CLCN3: variants seen among roughly 807,000 people sequenced by gnomAD.
CLCN3 encodes H(+)/Cl(-) exchange transporter 3.
A neutral mutation model predicts 83.4 loss-of-function variants in CLCN3; 16 were observed. That is an observed-to-expected ratio of 0.19 (90% confidence interval 0.13 to 0.29). CLCN3 has a LOEUF of 0.29. Among genes scored for constraint, CLCN3 ranks in the 10% least tolerant of loss-of-function variants. The pLI is 1.00. For synonymous variants in CLCN3, 322 were observed against 346.2 expected, an observed-to-expected ratio of 0.93 and a Z score of 0.78; for missense variants, 544 against 1,006.0, an observed-to-expected ratio of 0.54 and a Z score of 6.21.
At chr4:169,636,632 G>A (rs72694743) in intron 2 of CLCN3, among the ~76,000 whole-genome samples, 14 of 151,702 alleles carry the variant, frequency 9.2e-5, no homozygotes, top group African/African-American at 2.4e-4. Context: ...CTATATTGTC[G>A]TGTATAGCAA....
chr4:169,683,168 A>C (rs1204566018), intron 3 of CLCN3, among the ~76,000 whole-genome samples: 2 of 152,188 alleles, frequency 1.3e-5, no homozygotes, highest in Admixed American at 6.5e-5. Flanking sequence ...CCATGACACT[A>C]TGTTCATAAA....
At chr4:169,672,908 G>A (rs1465021886) in intron 2 of CLCN3, among the ~76,000 whole-genome samples, 1 of 150,682 alleles carries the variant, frequency 6.6e-6, no homozygotes, top group Non-Finnish European at 1.5e-5. Flanking sequence ...TGTGATCCAT[G>A]TGCCTTAGCC....
chr4:169,625,737 T>C (rs1319831942), intron 1 of CLCN3, among the ~76,000 whole-genome samples: 1 of 152,256 alleles, frequency 6.6e-6, no homozygotes, highest in East Asian at 1.9e-4. Context: ...CTATATCTTA[T>C]TAATTACCAG....
intron 1 of CLCN3, 98 bp downstream of exon 1, chr4:169,621,161 A>G (rs1773102989): frequency 2.7e-6 from 1 of 367,118 alleles, no homozygotes; most frequent in Non-Finnish European, 4.8e-6. Context: ...TTCTCTTACA[A>G]TGTACCTACA....
intron 3 of CLCN3, among the ~76,000 whole-genome samples, chr4:169,683,230 G>A (rs1433798902): frequency 1.3e-5 from 2 of 152,210 alleles, no homozygotes; most frequent in Non-Finnish European, 2.9e-5. Context: ...GGTCATAGTG[G>A]CTCATGCCTG....
chr4:169,678,835 A>G (rs1383342652), intron 2 of CLCN3, among the ~76,000 whole-genome samples: 1 of 152,226 alleles, frequency 6.6e-6, no homozygotes, highest in East Asian at 1.9e-4. Flanking sequence ...CAGACACAGT[A>G]ACAATCTGAT....
intron 2 of CLCN3, among the ~76,000 whole-genome samples, chr4:169,643,319 C>T (rs1730476527): frequency 6.6e-6 from 1 of 152,148 alleles, no homozygotes; most frequent in Non-Finnish European, 1.5e-5. Context: ...CAACCTCTGC[C>T]TCCTAGGTTC....
Position 169,633,488 on chromosome 4 carries a change from T to C in CLCN3, c.-16-2425T>C, listed in dbSNP as rs1332095619. 2.0e-5 allele frequency among the ~76,000 whole-genome samples: 3 copies of C among 152,276 alleles called. No individual in the cohort carries two copies. In the East Asian group the frequency reaches 5.8e-4, roughly 29 times the overall value. On this transcript the variant is annotated intron_variant, in intron 1 of 12. Coordinates refer to ENST00000513761, the MANE Select transcript of CLCN3 (RefSeq NM_001829.4). ...CTGTGTTAGAGTCTAAATAGCCTTT[T>C]GTGCCCAAGCCTGGGAATTGGGTTT...
intron 2 of CLCN3, among the ~76,000 whole-genome samples, chr4:169,651,651 A>G (rs1730734624): frequency 6.6e-6 from 1 of 152,200 alleles, no homozygotes; most frequent in Non-Finnish European, 1.5e-5. Flanking sequence ...TCAGGGAATC[A>G]TGACAAGAAG....
chr4:169,703,409 C>T (rs1732871398), intron 9 of CLCN3, among the ~76,000 whole-genome samples: 1 of 152,210 alleles, frequency 6.6e-6, no homozygotes, highest in Admixed American at 6.5e-5. Flanking sequence ...TAGCATCTAC[C>T]ATTTCCGTCA....
intron 12 of CLCN3, among the ~76,000 whole-genome samples, chr4:169,717,376 A>G (rs532112289): frequency 1.3e-5 from 2 of 152,252 alleles, no homozygotes; most frequent in Non-Finnish European, 2.9e-5. Flanking sequence ...GATCCAGATG[A>G]TAACTGCTGT....
chr4:169,687,703 TTGTA>T lies in CLCN3; in HGVS notation c.367_370del (p.Tyr123MetfsTer7). On this transcript the variant is annotated frameshift_variant, in exon 4 of 13. Coordinates refer to ENST00000513761, the MANE Select transcript of CLCN3 (RefSeq NM_001829.4). LOFTEE classifies it high-confidence loss of function. ...ATCAGCATGGGAAATGACAAAAAGTTTGTATGATGCGTGGTCAGGATGGCTAGTA... is the reference window on the plus strand; with the variant it reads ...ATCAGCATGGGAAATGACAAAAAGTTTGATGCGTGGTCAGGATGGCTAGTA... 1.2e-6 allele frequency: 2 copies of T among 1,610,558 alleles called. No individual in the cohort carries two copies. The highest frequency in any genetic ancestry group is 1.7e-6 in the Non-Finnish European group (2 of 1,178,278).
intron 2 of CLCN3, among the ~76,000 whole-genome samples, chr4:169,673,993 C>T (rs1378005093): frequency 1.3e-5 from 2 of 152,164 alleles, no homozygotes; most frequent in African/African-American, 4.8e-5. Flanking sequence ...AGCTACCGTA[C>T]ACTTCTACAC....
chr4:169,685,307 G>A (rs1277602395), intron 3 of CLCN3, among the ~76,000 whole-genome samples: 8 of 151,878 alleles, frequency 5.3e-5, no homozygotes, highest in African/African-American at 1.2e-4. Flanking sequence ...GTATTTCCAC[G>A]GTTCCAAAGT....
chr4:169,709,210 ATACTT>A (rs1181564282), intron 11 of CLCN3, among the ~76,000 whole-genome samples: 1 of 150,510 alleles, frequency 6.6e-6, no homozygotes, highest in Non-Finnish European at 1.5e-5. Flanking sequence ...ATAATGATAA[ATACTT>A]TATTGAAGGA....
intron 12 of CLCN3, among the ~76,000 whole-genome samples, chr4:169,714,089 T>C (rs1255833432): frequency 6.6e-6 from 1 of 152,182 alleles, no homozygotes; most frequent in Non-Finnish European, 1.5e-5. Context: ...GGGATCTGTT[T>C]CTCCACACTT....
In CLCN3 at chr4:169,635,989, A is replaced by C; in HGVS notation, c.61A>C (p.Ser21Arg). ...YYRNSYNSITSASSDEELLDG... is the reference protein window; with the variant it reads ...YYRNSYNSITRASSDEELLDG... ...TAGAAACAGCTACAACAGTATAACA[A>C]GTGCAAGTAGTGATGAGGAACTTTT... is the stretch of plus-strand genomic sequence containing the variant. Residue 21 changes from serine to arginine, a missense_variant, in exon 2 of 13, where the codon AGT becomes CGT. Coordinates refer to ENST00000513761, the MANE Select transcript of CLCN3 (RefSeq NM_001829.4). 1 of 1,613,418 alleles carries C rather than the reference A, an allele frequency of 6.2e-7. No homozygotes were observed. The highest frequency in any genetic ancestry group is 1.3e-5 in the African/African-American group (1 of 75,018).
Position 169,620,962 on chromosome 4 carries a change from TG to T in CLCN3, c.-116del. The T allele has an allele frequency of 2.5e-6, 1 of 398,454 alleles. No homozygotes were observed. The highest frequency in any genetic ancestry group is 4.4e-6 in the Non-Finnish European group (1 of 226,050). The allele number at this position is 398,454 out of a possible 1,614,324, so 24.7% of individuals were successfully genotyped here. A position where few individuals can be genotyped will look rare whatever the true frequency, so the allele number is the denominator to read the frequency against. On this transcript the variant is annotated 5_prime_UTR_variant, in exon 1 of 13. Coordinates refer to ENST00000513761, the MANE Select transcript of CLCN3 (RefSeq NM_001829.4). ...TTTCGCTGTGTCAGGCTTTCTTCGG[TG>T]GAGCTCCGAGGGTAGCTAGGTTCTA...
At chr4:169,709,677 C>CA (rs80258467) in intron 11 of CLCN3, among the ~76,000 whole-genome samples, 15,203 of 129,136 alleles carry the variant, frequency 0.12, 811 homozygotes, top group African/African-American at 0.15. Flanking sequence ...AACCCTGTCT[C>CA]AAAAAAAAAA....
Sources: allele counts gnomAD v4.1 joint callset (sites outside exome capture counted in the v4.1 genomes callset), GRCh38; gene constraint gnomAD v4.1.1; transcripts MANE v1.5; gene names NCBI Gene and HGNC (gene_info 2026-07-23, HGNC 2026-07-21).